Variants in ACOT7 observed in about 807,000 individuals in gnomAD.
ACOT7 encodes the protein cytosolic acyl coenzyme A thioester hydrolase.
ACOT7 carries 12 observed loss-of-function variants against 40.2 expected under a neutral mutation model. The observed-to-expected ratio is 0.30, with a 90% CI of 0.19 to 0.48. The LOEUF (loss-of-function observed/expected upper bound fraction) is 0.48. ACOT7 is among the 20% of genes least tolerant of loss of function. The pLI, the probability that ACOT7 is intolerant of heterozygous loss-of-function variation, is 0.99. For synonymous variants in ACOT7, 228 were observed against 219.5 expected (o/e 1.04, Z -0.34); for missense variants, 395 against 530.8 (o/e 0.74, Z 2.51).
intron 5 of ACOT7, among the ~76,000 whole-genome samples, chr1:6,323,425 G>C (rs1268715098): frequency 6.6e-6 from 1 of 152,034 alleles, no homozygotes; most frequent in African/African-American, 2.4e-5. Context: ...CCCTGACCAG[G>C]TCTGCCTTCT....
At chr1:6,376,410 G>C (rs930165874) in intron 1 of ACOT7, among the ~76,000 whole-genome samples, 1 of 151,840 alleles carries the variant, frequency 6.6e-6, no homozygotes, top group East Asian at 1.9e-4. Context: ...TCCAGCCTCG[G>C]TGACAGAGCA....
chr1:6,392,905 G>A (rs985539843), intron 1 of ACOT7, among the ~76,000 whole-genome samples: 41 of 152,158 alleles, frequency 2.7e-4, no homozygotes, highest in Non-Finnish European at 4.6e-4. Context: ...CGAGGCCCGA[G>A]GCGGGGCGGC....
rs17029370 is a variant in ACOT7, at chr1:6,301,036, C to T, written c.713-6056G>A. Among the ~76,000 whole-genome samples, 13,008 of 152,272 alleles carry T rather than the reference C, an allele frequency of 0.085. 957 individuals carry two copies. Among genetic ancestry groups the T allele is most frequent in the African/African-American group, 0.19 (7,770 of 41,518 alleles). Reference sequence around the variant, plus strand: ...GCCTCCCCATCCTGTCCTGTGACATCGAGTCCAGAGTGGAATTCTTCCCAA... The same window carrying T: ...GCCTCCCCATCCTGTCCTGTGACATTGAGTCCAGAGTGGAATTCTTCCCAA... On this transcript the variant is annotated intron_variant, in intron 6 of 8. Coordinates refer to ENST00000361521, the MANE Select transcript of ACOT7 (RefSeq NM_007274.4). This position sits in a 1 kb window ranked among gnomAD's most constrained non-coding sequence, Gnocchi z 4.1.
At chr1:6,287,149 T>G (rs1218207987) in intron 7 of ACOT7, among the ~76,000 whole-genome samples, 1 of 152,204 alleles carries the variant, frequency 6.6e-6, no homozygotes, top group Non-Finnish European at 1.5e-5. Flanking sequence ...GGGGACCAGG[T>G]GCAGTCACTC....
intron 1 of ACOT7, among the ~76,000 whole-genome samples, chr1:6,368,128 C>T (rs899468167): frequency 3.9e-5 from 6 of 152,118 alleles, no homozygotes; most frequent in Non-Finnish European, 5.9e-5. Flanking sequence ...CTCTGGTCCT[C>T]GGGACTGGCC....
In ACOT7 at chr1:6,360,895, G is replaced by C. The variant is rs537722411; in HGVS notation, c.144-11029C>G. On this transcript the variant is annotated intron_variant, in intron 1 of 8. Coordinates refer to ENST00000361521, the MANE Select transcript of ACOT7 (RefSeq NM_007274.4). ...GCAACACAGATTCAAGCCACAACCA[G>C]ATGGTCCCGCAAAGAGGAAGCACTT... is the stretch of plus-strand genomic sequence containing the variant. 1.2e-3 allele frequency among the ~76,000 whole-genome samples: 189 copies of C among 152,318 alleles called. 3 individuals carry two copies. Among genetic ancestry groups the C allele is most frequent in the African/African-American group, 4.4e-3 (183 of 41,582 alleles).
chr1:6,357,852 A>T (rs1224538363), intron 1 of ACOT7, among the ~76,000 whole-genome samples: 1 of 150,340 alleles, frequency 6.7e-6, no homozygotes, highest in African/African-American at 2.4e-5. Flanking sequence ...CAGAAGCTCA[A>T]GCAGCCCTGC....
chr1:6,288,878 C>A lies in ACOT7; in HGVS notation c.829+5986G>T, dbSNP rs1169808100. Among the ~76,000 whole-genome samples the A allele has an allele frequency of 1.3e-5, 2 of 152,224 alleles. No homozygotes were observed. The highest frequency in any genetic ancestry group is 2.9e-5 in the Non-Finnish European group (2 of 68,052). ...GGGCCAATGTCTGGATGAAGCAAAGCTGTCCGTGTAACTTCCTGACAGACA... is the reference window on the plus strand; with the variant it reads ...GGGCCAATGTCTGGATGAAGCAAAGATGTCCGTGTAACTTCCTGACAGACA... On this transcript the variant is annotated intron_variant, in intron 7 of 8. Transcript: ENST00000361521. This position sits in a 1 kb window ranked among gnomAD's most constrained non-coding sequence, Gnocchi z 4.3.
In ACOT7 at chr1:6,294,804, G is replaced by A. The variant is rs1639765964; in HGVS notation, c.829+60C>T. The A allele has an allele frequency of 8.5e-6, 12 of 1,403,852 alleles. No individual in the cohort carries two copies. In the South Asian group the frequency reaches 1.1e-4, roughly 12 times the overall value. The allele number at this position is 1,403,852 out of a possible 1,614,324, so 87.0% of individuals were successfully genotyped here. A position where few individuals can be genotyped will look rare whatever the true frequency, so the allele number is the denominator to read the frequency against. The stretch of plus-strand genomic sequence containing the variant: ...GGGTGTGAACAGAAAACAAACTGGT[G>A]CAGGGACCCAAGCAGCCGAGGGCCA... On this transcript the variant is annotated intron_variant, in intron 7 of 8. Transcript: ENST00000361521. This position sits in a 1 kb window ranked among gnomAD's most constrained non-coding sequence, Gnocchi z 4.6.
chr1:6,308,824 T>C (rs927036255), intron 6 of ACOT7, among the ~76,000 whole-genome samples: 2 of 151,954 alleles, frequency 1.3e-5, no homozygotes, highest in Non-Finnish European at 2.9e-5. Context: ...GAAAAGCGAC[T>C]GGGCGGAGGG....
chr1:6,346,465 G>A (rs1641423709), intron 2 of ACOT7, among the ~76,000 whole-genome samples: 1 of 152,140 alleles, frequency 6.6e-6, no homozygotes, highest in Admixed American at 6.5e-5. Context: ...AGGCAGGAAT[G>A]CACCCAGCAA....
At chr1:6,319,041 A>C (rs1312318764) in intron 5 of ACOT7, among the ~76,000 whole-genome samples, 1 of 151,990 alleles carries the variant, frequency 6.6e-6, no homozygotes. Context: ...CCCCAACCCC[A>C]TTCACTGCTC....
intron 8 of ACOT7, among the ~76,000 whole-genome samples, chr1:6,267,357 A>G (rs565796596): frequency 6.6e-6 from 1 of 152,368 alleles, no homozygotes; most frequent in African/African-American, 2.4e-5. Context: ...CAACGCCACC[A>G]GCTTAGGAGC....
At chr1:6,354,599 TCCCATGGCCTCTGCACTGGCCTCTCACTC>T (rs1236473832) in intron 1 of ACOT7, among the ~76,000 whole-genome samples, 90 of 150,980 alleles carry the variant, frequency 6.0e-4, no homozygotes, top group African/African-American at 1.8e-3. Flanking sequence ...GGAGGTCACC[TCCCATGGCCTCTGCACTGGCCTCTCACTC>T]CCCATGGCCT....
intron 2 of ACOT7, among the ~76,000 whole-genome samples, chr1:6,344,943 C>G (rs998625021): frequency 1.3e-5 from 2 of 152,112 alleles, no homozygotes; most frequent in Non-Finnish European, 2.9e-5. Flanking sequence ...CTGATGGGTA[C>G]AGATGGCAGG....
intron 1 of ACOT7, among the ~76,000 whole-genome samples, chr1:6,360,133 A>G (rs1641854795): frequency 6.6e-6 from 1 of 152,252 alleles, no homozygotes; most frequent in Non-Finnish European, 1.5e-5. Flanking sequence ...AAAAGAAAGA[A>G]AAAGTCATTT....
chr1:6,264,601 G>C lies in ACOT7; in HGVS notation c.1109C>G (p.Pro370Arg), dbSNP rs373266176. Residue 370 changes from proline to arginine, a missense_variant, in exon 9 of 9, where the codon CCC (proline) becomes CGC (arginine). Physicochemically the swap from Pro to Arg is moderately radical, Grantham distance 103. Transcript: ENST00000361521. ...CCAGTGGCAGGAGGAGGGAGTCTAGGGCTGAGGCTCCGCGTGGCCCTGTCG... is the reference window on the plus strand; with the variant it reads ...CCAGTGGCAGGAGGAGGGAGTCTAGCGCTGAGGCTCCGCGTGGCCCTGTCG... ...AKRQGHAEPQP is the reference protein window; with the variant it reads ...AKRQGHAEPQR 4.1e-5 allele frequency: 66 copies of C among 1,611,832 alleles called. No homozygotes were observed. The highest frequency in any genetic ancestry group is 5.3e-5 in the Non-Finnish European group (63 of 1,179,586).
chr1:6,388,465 G>A (rs1452286898), intron 1 of ACOT7, among the ~76,000 whole-genome samples: 4 of 151,512 alleles, frequency 2.6e-5, no homozygotes, highest in South Asian at 4.2e-4. Flanking sequence ...CCGGCCTGGT[G>A]CAGTGGCTCA....
chr1:6,328,803 C>A (rs1640876882), intron 4 of ACOT7, among the ~76,000 whole-genome samples: 1 of 152,234 alleles, frequency 6.6e-6, no homozygotes, highest in Non-Finnish European at 1.5e-5. Flanking sequence ...TCACTCACTG[C>A]CCTGCTGTGC....
Sources: allele counts gnomAD v4.1 joint callset (sites outside exome capture counted in the v4.1 genomes callset), GRCh38; gene constraint gnomAD v4.1.1; non-coding constraint Gnocchi (gnomAD v3.1); transcripts MANE v1.5; gene names NCBI Gene and HGNC (gene_info 2026-07-23, HGNC 2026-07-21).